CDYL2: variants seen among roughly 807,000 people sequenced by gnomAD.
CDYL2 encodes chromodomain Y like 2, also known as chromodomain Y-like protein 2.
CDYL2 carries 23 observed loss-of-function variants against 49.4 expected under a neutral mutation model. The observed-to-expected ratio is 0.47, with a 90% CI of 0.34 to 0.66. The LOEUF is 0.66. Among genes scored for constraint, CDYL2 ranks in the 30% least tolerant of loss-of-function variants. The probability of loss-of-function intolerance (pLI) is 0.01; values close to 1 mark genes in which losing one functional copy is unlikely to be tolerated. For missense variants in CDYL2, 678 were observed against 656.4 expected (o/e 1.03, Z -0.36); for synonymous variants, 360 against 268.8 (o/e 1.34, Z -3.32).
intron 1 of CDYL2, among the ~76,000 whole-genome samples, chr16:80,737,169 T>C (rs1905565164): frequency 6.6e-6 from 1 of 152,198 alleles, no homozygotes; most frequent in African/African-American, 2.4e-5. Context: ...AGACCAAGTC[T>C]GCTTGTACCT....
intron 1 of CDYL2, among the ~76,000 whole-genome samples, chr16:80,729,336 G>C (rs1292597868): frequency 6.6e-6 from 1 of 151,798 alleles, no homozygotes; most frequent in South Asian, 2.1e-4. Context: ...AACCAACAAA[G>C]ATCAAAAGAG....
At chr16:80,784,584 G>GA (rs1418622208) in intron 1 of CDYL2, among the ~76,000 whole-genome samples, 1 of 152,006 alleles carries the variant, frequency 6.6e-6, no homozygotes, top group South Asian at 2.1e-4. Flanking sequence ...GTAAGAGCAG[G>GA]AAAAAAAGAT....
intron 1 of CDYL2, among the ~76,000 whole-genome samples, chr16:80,768,241 C>T (rs1188152652): frequency 6.6e-6 from 1 of 152,088 alleles, no homozygotes; most frequent in Non-Finnish European, 1.5e-5. Flanking sequence ...ACTTGGAATT[C>T]CCCTCCATTC....
intron 1 of CDYL2, among the ~76,000 whole-genome samples, chr16:80,754,699 G>A (rs372062731): frequency 6.6e-6 from 1 of 152,176 alleles, no homozygotes; most frequent in African/African-American, 2.4e-5. Flanking sequence ...GGAGGATTCC[G>A]TGAGGGAATA....
intron 2 of CDYL2, among the ~76,000 whole-genome samples, chr16:80,644,988 T>C (rs1908270624): frequency 6.6e-6 from 1 of 152,036 alleles, no homozygotes; most frequent in South Asian, 2.1e-4. Flanking sequence ...AAAAATTAAT[T>C]CAAGATGGAT....
At chr16:80,704,652 G>C (rs1456052831) in intron 1 of CDYL2, among the ~76,000 whole-genome samples, 5 of 152,250 alleles carry the variant, frequency 3.3e-5, no homozygotes, top group Non-Finnish European at 7.3e-5. Context: ...GGAAGGAAGA[G>C]CTGCCACTGA....
chr16:80,773,572 A>C (rs1906980145), intron 1 of CDYL2, among the ~76,000 whole-genome samples: 1 of 152,206 alleles, frequency 6.6e-6, no homozygotes, highest in African/African-American at 2.4e-5. Context: ...GTGATAAGGC[A>C]ATTCTGATAC....
intron 2 of CDYL2, among the ~76,000 whole-genome samples, chr16:80,679,183 A>C (rs1476097010): frequency 1.3e-5 from 2 of 151,870 alleles, no homozygotes; most frequent in East Asian, 3.9e-4. Flanking sequence ...TAGTGGGTGC[A>C]TTGTGCCAGC....
chr16:80,786,923 G>A (rs56843915), intron 1 of CDYL2, among the ~76,000 whole-genome samples: 1,965 of 151,990 alleles, frequency 0.013, 36 homozygotes, highest in African/African-American at 0.044. Context: ...CCTGTGGGGG[G>A]TGGGGGGCTA....
At chr16:80,716,784 G>C (rs2142519250) in intron 1 of CDYL2, among the ~76,000 whole-genome samples, 1 of 152,136 alleles carries the variant, frequency 6.6e-6, no homozygotes, top group East Asian at 1.9e-4. Context: ...CAGATGACTG[G>C]ATGGATGATA....
intron 1 of CDYL2, among the ~76,000 whole-genome samples, chr16:80,773,556 C>T (rs1316879086): frequency 6.6e-6 from 1 of 152,118 alleles, no homozygotes; most frequent in Non-Finnish European, 1.5e-5. Context: ...AGTAGTCCCA[C>T]ACTAGGTGAT....
chr16:80,790,714 G>C (rs1907581868), intron 1 of CDYL2, among the ~76,000 whole-genome samples: 1 of 152,166 alleles, frequency 6.6e-6, no homozygotes, highest in Non-Finnish European at 1.5e-5. Context: ...TCTAGGAAAA[G>C]TTTAGATATA....
intron 3 of CDYL2, among the ~76,000 whole-genome samples, chr16:80,623,049 G>T (rs1907151662): frequency 6.6e-6 from 1 of 152,158 alleles, no homozygotes; most frequent in Non-Finnish European, 1.5e-5. Context: ...TAACAGACTG[G>T]CCAGCTCAAA....
intron 4 of CDYL2, among the ~76,000 whole-genome samples, chr16:80,614,791 G>A (rs540079688): frequency 2.6e-4 from 39 of 150,840 alleles, no homozygotes; most frequent in Non-Finnish European, 5.2e-4. Context: ...ATGAACCCAG[G>A]AGGTGGAGGT....
At chr16:80,640,781 G>A (rs1029462134) in intron 2 of CDYL2, among the ~76,000 whole-genome samples, 1 of 152,158 alleles carries the variant, frequency 6.6e-6, no homozygotes, top group East Asian at 1.9e-4. Flanking sequence ...AGCAGAAATT[G>A]TGTAGCTAAA....
chr16:80,605,034 A>C (rs1243464148), intron 6 of CDYL2, among the ~76,000 whole-genome samples: 1 of 152,136 alleles, frequency 6.6e-6, no homozygotes, highest in Non-Finnish European at 1.5e-5. Context: ...TCATGGTAGT[A>C]ACAACTAATA....
At chr16:80,652,812 A>G (rs1908641682) in intron 2 of CDYL2, among the ~76,000 whole-genome samples, 1 of 152,166 alleles carries the variant, frequency 6.6e-6, no homozygotes, top group South Asian at 2.1e-4. Flanking sequence ...AAAAACATCA[A>G]ACAAATCCCA....
At chr16:80,714,538 T>A (rs1288083623) in intron 1 of CDYL2, among the ~76,000 whole-genome samples, 1 of 152,202 alleles carries the variant, frequency 6.6e-6, no homozygotes, top group Non-Finnish European at 1.5e-5. Flanking sequence ...CCTGGCTGGT[T>A]ACTCACTATT....
At chr16:80,796,155 T>C (rs1440956465) in intron 1 of CDYL2, among the ~76,000 whole-genome samples, 2 of 152,184 alleles carry the variant, frequency 1.3e-5, no homozygotes, top group Admixed American at 6.5e-5. Flanking sequence ...GAAGAGCAAG[T>C]GGGAATACTT....
Sources: allele counts gnomAD v4.1 joint callset (sites outside exome capture counted in the v4.1 genomes callset), GRCh38; gene constraint gnomAD v4.1.1; transcripts MANE v1.5; gene names NCBI Gene and HGNC (gene_info 2026-07-23, HGNC 2026-07-21).